TRERF1: variants seen among roughly 807,000 people sequenced by gnomAD.
TRERF1 encodes transcriptional-regulating factor 1.
TRERF1 carries 27 observed loss-of-function variants against 122.9 expected under a neutral mutation model. The ratio of observed to expected loss-of-function variants is 0.22; its 90% CI spans 0.16 to 0.30. The LOEUF (loss-of-function observed/expected upper bound fraction) is 0.30, where lower values mean the gene tolerates loss of function less well. Ranked by LOEUF, TRERF1 falls within the 10% of genes least tolerant of loss-of-function variation. The probability of loss-of-function intolerance (pLI) is 1.00; values close to 1 mark genes in which losing one functional copy is unlikely to be tolerated. For synonymous variants in TRERF1, 636 were observed against 641.7 expected (o/e 0.99, Z 0.13); for missense variants, 1,248 against 1,560.3 (o/e 0.80, Z 3.37).
At chr6:42,370,113 T>C (rs1773497694) in intron 2 of TRERF1, among the ~76,000 whole-genome samples, 1 of 151,716 alleles carries the variant, frequency 6.6e-6, no homozygotes. Context: ...AATTAGGGGG[T>C]AAAGGATGGA....
At chr6:42,321,642 T>C (rs896731361) in intron 3 of TRERF1, among the ~76,000 whole-genome samples, 2 of 152,210 alleles carry the variant, frequency 1.3e-5, no homozygotes, top group African/African-American at 4.8e-5. Context: ...TGGTAGGAAC[T>C]GTGGCAAACT....
rs1561939031 is a variant in TRERF1 at position 42,299,139 on chromosome 6, T to TCTATCTATCTATCTATCTAC, written c.-259+1498_-259+1499insGTAGATAGATAGATAGATAG. Among the ~76,000 whole-genome samples the TCTATCTATCTATCTATCTAC allele has an allele frequency of 2.8e-3, 316 of 114,102 alleles. 4 individuals carry two copies. The highest frequency in any genetic ancestry group is 9.2e-3 in the African/African-American group (233 of 25,198). The allele number at this position is 114,102 out of a possible 152,430, so 74.9% of individuals were successfully genotyped here. ...GTCTCTATCTATCTATCTATCTACA[T>TCTATCTATCTATCTATCTAC]ATATATATATATCTAGCTAGCTGGA... On this transcript the variant is annotated intron_variant, in intron 4 of 17. Transcript: ENST00000372922.
chr6:42,281,336 C>T (rs1387061177), intron 4 of TRERF1, among the ~76,000 whole-genome samples: 4 of 152,124 alleles, frequency 2.6e-5, no homozygotes, highest in East Asian at 1.9e-4. Flanking sequence ...GGCCCAGACA[C>T]GCATACTTCT....
chr6:42,367,037 C>A (rs994519079), intron 2 of TRERF1, among the ~76,000 whole-genome samples: 2 of 152,234 alleles, frequency 1.3e-5, no homozygotes, highest in African/African-American at 4.8e-5. Context: ...CACAGGAGCA[C>A]TGGAGTCAGG....
rs1334816030 is a variant in TRERF1 at position 42,293,888 on chromosome 6, A to G, written c.-259+6750T>C. ...ACCTCAGACTCACCTTCTGCAGAAT[A>G]AAGTTGGACCTGAGGAGCTCCAAGC... On this transcript the variant is annotated intron_variant, in intron 4 of 17. Coordinates refer to ENST00000372922, the Ensembl canonical transcript of TRERF1. Among the ~76,000 whole-genome samples the G allele has an allele frequency of 2.6e-5, 4 of 152,108 alleles. No individual in the cohort carries two copies. The East Asian group carries it at 5.8e-4, about 22-fold the overall frequency.
chr6:42,450,969 C>T (rs1210326344), intron 2 of TRERF1, among the ~76,000 whole-genome samples: 2 of 152,140 alleles, frequency 1.3e-5, no homozygotes, highest in African/African-American at 2.4e-5. Flanking sequence ...CACCTCATCC[C>T]TCCCCCTTTG....
chr6:42,392,611 T>TG (rs1777932333), intron 2 of TRERF1, among the ~76,000 whole-genome samples: 2 of 152,136 alleles, frequency 1.3e-5, no homozygotes. Context: ...ATAGATACTA[T>TG]GGGTCCCTCA....
At chr6:42,372,907 T>C (rs1035411926) in intron 2 of TRERF1, among the ~76,000 whole-genome samples, 1 of 152,084 alleles carries the variant, frequency 6.6e-6, no homozygotes, top group South Asian at 2.1e-4. Flanking sequence ...AGAGTGTGTG[T>C]TCGGGAGTCA....
chr6:42,259,240 A>T lies in TRERF1; in HGVS notation c.2269+99T>A. 1 of 1,421,732 alleles carries T rather than the reference A, an allele frequency of 7.0e-7. No homozygotes were observed. 88.1% of individuals were successfully genotyped at this position (1,421,732 alleles called of 1,614,324 possible). ...GTGCTACATACAGCCAATACTCCGCAAAAGTCTGTGGGATAAATGAGAAAG... is the reference window on the plus strand; with the variant it reads ...GTGCTACATACAGCCAATACTCCGCTAAAGTCTGTGGGATAAATGAGAAAG... On this transcript the variant is annotated intron_variant, in intron 9 of 17. Coordinates refer to ENST00000372922, the Ensembl canonical transcript of TRERF1. The surrounding 1 kb of genome is among the most constrained non-coding windows in gnomAD (Gnocchi z 4.9).
chr6:42,303,965 G>A (rs1408495758), intron 3 of TRERF1, among the ~76,000 whole-genome samples: 1 of 143,760 alleles, frequency 7.0e-6, no homozygotes, highest in Non-Finnish European at 1.5e-5. Flanking sequence ...CACCCAAGAA[G>A]TTTTCTAGGG....
chr6:42,289,503 G>A lies in TRERF1; in HGVS notation c.-259+11135C>T, dbSNP rs114665291. The stretch of plus-strand genomic sequence containing the variant: ...AGAGGCAAATACAGGCTATTATGTA[G>A]GACTTACATAATAAGAAAGAAAATT... On this transcript the variant is annotated intron_variant, in intron 4 of 17. Transcript: ENST00000372922. 1.6e-3 allele frequency among the ~76,000 whole-genome samples: 241 copies of A among 152,128 alleles called. 1 individual carries two copies. The highest frequency in any genetic ancestry group is 5.7e-3 in the African/African-American group (237 of 41,498).
chr6:42,284,629 G>C (rs1355674130), intron 4 of TRERF1, among the ~76,000 whole-genome samples: 1 of 152,200 alleles, frequency 6.6e-6, no homozygotes. Context: ...GGCATAAGCA[G>C]GTTTGAGGAC....
At chr6:42,285,347 T>G (rs1347751075) in intron 4 of TRERF1, among the ~76,000 whole-genome samples, 6 of 152,216 alleles carry the variant, frequency 3.9e-5, no homozygotes, top group Admixed American at 3.9e-4. Context: ...CCTGAGACTT[T>G]GCTGAAGTTG....
In TRERF1 at chr6:42,431,612, G is replaced by A. The variant is rs114089380; in HGVS notation, c.-454+19565C>T. 5.4e-3 allele frequency among the ~76,000 whole-genome samples: 822 copies of A among 152,276 alleles called. 8 individuals carry two copies. Among genetic ancestry groups the A allele is most frequent in the African/African-American group, 0.017 (727 of 41,546 alleles). On this transcript the variant is annotated intron_variant, in intron 2 of 17. Coordinates refer to ENST00000372922, the Ensembl canonical transcript of TRERF1. ...TAGAACTGGAGGAAGGGAGGGAAGA[G>A]AGATTAAATTACTCTTCCTCTCAAA... is the stretch of plus-strand genomic sequence containing the variant.
At chr6:42,335,538 T>C (rs1765990134) in intron 3 of TRERF1, among the ~76,000 whole-genome samples, 1 of 152,238 alleles carries the variant, frequency 6.6e-6, no homozygotes. Flanking sequence ...TGTCTGTGCT[T>C]GGCAGGGTTA....
In TRERF1 at chr6:42,263,424, G is replaced by A; in HGVS notation, c.1780C>T (p.Pro594Ser). 1 of 1,612,070 alleles carries A rather than the reference G, an allele frequency of 6.2e-7. No homozygotes were observed. Among genetic ancestry groups the A allele is most frequent in the Non-Finnish European group, 8.5e-7 (1 of 1,179,102 alleles). ...AACCCCTGAGAGCTGGGCTTGGGCG[G>A]GAGAAGCTTGACAGGGACAGACACG... The change falls in exon 8 of 18, where the codon CCG (proline) becomes TCG (serine). Residue 594 changes from proline to serine, a missense_variant. Pro to Ser is a moderately conservative substitution (Grantham distance 74). Transcript: ENST00000372922. The surrounding 1 kb of genome is among the most constrained non-coding windows in gnomAD (Gnocchi z 5.6).
chr6:42,426,211 T>C (rs1178334464), intron 2 of TRERF1, among the ~76,000 whole-genome samples: 1 of 152,138 alleles, frequency 6.6e-6, no homozygotes, highest in Non-Finnish European at 1.5e-5. Flanking sequence ...ATCTAGCAAA[T>C]GCCTACTACA....
At chr6:42,258,422 C>T (rs897112304) in intron 9 of TRERF1, among the ~76,000 whole-genome samples, 1 of 152,210 alleles carries the variant, frequency 6.6e-6, no homozygotes, top group Non-Finnish European at 1.5e-5. Context: ...CCAGCTGTCC[C>T]ACAATGGTCT....
At chr6:42,424,408 T>C (rs1783299542) in intron 2 of TRERF1, among the ~76,000 whole-genome samples, 1 of 152,214 alleles carries the variant, frequency 6.6e-6, no homozygotes. Context: ...TTGACCTCAG[T>C]CCATGACATG....
Sources: gnomAD v4.1 joint callset for allele counts (sites outside exome capture counted in the v4.1 genomes callset) on GRCh38, gnomAD v4.1.1 for gene constraint, Gnocchi (gnomAD v3.1) non-coding constraint, MANE v1.5 for transcripts, NCBI Gene and HGNC (gene_info 2026-07-23, HGNC 2026-07-21) for gene names.